Variants in ACVR1C observed in about 807,000 individuals in gnomAD.
ACVR1C encodes activin receptor type-1C.
In ACVR1C, 23 loss-of-function variants were observed where a neutral mutation model predicts 57.9. The observed-to-expected ratio is 0.40, with a 90% CI of 0.29 to 0.56. The LOEUF is 0.56. Ranked by LOEUF, ACVR1C falls within the 20% of genes least tolerant of loss-of-function variation. The pLI is 0.50. For missense variants in ACVR1C, 480 were observed against 607.9 expected, an observed-to-expected ratio of 0.79 and a Z score of 2.21; for synonymous variants, 214 against 215.3, an observed-to-expected ratio of 0.99 and a Z score of 0.05.
At chr2:157,623,406 AT>A (rs1682828429) in intron 1 of ACVR1C, among the ~76,000 whole-genome samples, 1 of 152,208 alleles carries the variant, frequency 6.6e-6, no homozygotes, top group African/African-American at 2.4e-5. Context: ...TATATACACA[AT>A]GGAGTACTAT....
chr2:157,540,628 A>G (rs965247269), intron 7 of ACVR1C, among the ~76,000 whole-genome samples: 10 of 152,298 alleles, frequency 6.6e-5, no homozygotes, highest in African/African-American at 2.2e-4. Flanking sequence ...TGGGAGCAGT[A>G]AAGGTAGGAA....
intron 4 of ACVR1C, among the ~76,000 whole-genome samples, chr2:157,546,237 C>A (rs1362562361): frequency 5.9e-5 from 9 of 152,214 alleles, no homozygotes; most frequent in African/African-American, 1.9e-4. Flanking sequence ...ACATTCTTAA[C>A]AGCTAAATGA....
At chr2:157,598,704 A>G (rs965595838) in intron 1 of ACVR1C, among the ~76,000 whole-genome samples, 1 of 151,742 alleles carries the variant, frequency 6.6e-6, no homozygotes, top group Non-Finnish European at 1.5e-5. Context: ...CCACCAGGCT[A>G]ATTTTGTATT....
At chr2:157,549,803 G>A (rs1166362368) in intron 4 of ACVR1C, among the ~76,000 whole-genome samples, 2 of 144,636 alleles carry the variant, frequency 1.4e-5, no homozygotes, top group African/African-American at 5.1e-5. Flanking sequence ...GGCTAACACG[G>A]TGAAACCCCG....
At chr2:157,548,420 A>G (rs1409768184) in intron 4 of ACVR1C, among the ~76,000 whole-genome samples, 1 of 148,712 alleles carries the variant, frequency 6.7e-6, no homozygotes, top group African/African-American at 2.5e-5. Context: ...CAGAATTGGA[A>G]AAAACTACTT....
At chr2:157,610,417 A>C (rs1167519419) in intron 1 of ACVR1C, among the ~76,000 whole-genome samples, 5 of 152,152 alleles carry the variant, frequency 3.3e-5, no homozygotes, top group Admixed American at 3.3e-4. Context: ...AGCCTTTAAA[A>C]AGATAGGAGT....
At chr2:157,609,732 G>C (rs114164206) in intron 1 of ACVR1C, among the ~76,000 whole-genome samples, 1 of 151,800 alleles carries the variant, frequency 6.6e-6, no homozygotes, top group Non-Finnish European at 1.5e-5. Flanking sequence ...CTTTTTTACT[G>C]TTCTTGACTT....
chr2:157,560,630 C>A (rs1436423274), intron 2 of ACVR1C, among the ~76,000 whole-genome samples: 1 of 152,190 alleles, frequency 6.6e-6, no homozygotes, highest in East Asian at 1.9e-4. Flanking sequence ...CTGAACTAAG[C>A]AAGTTCTAAT....
chr2:157,555,441 G>C (rs1424013771), intron 3 of ACVR1C, among the ~76,000 whole-genome samples: 1 of 152,124 alleles, frequency 6.6e-6, no homozygotes, highest in Non-Finnish European at 1.5e-5. Flanking sequence ...GCTTTACCTG[G>C]GGTTCTGGAG....
intron 1 of ACVR1C, among the ~76,000 whole-genome samples, chr2:157,599,263 G>C (rs756012486): frequency 1.9e-4 from 28 of 144,484 alleles, no homozygotes; most frequent in African/African-American, 5.9e-4. Context: ...GAACCCGAGA[G>C]GGGGAGCTCG....
At chr2:157,554,366 AGAAG>A (rs1431189390) in intron 3 of ACVR1C, among the ~76,000 whole-genome samples, 1 of 137,670 alleles carries the variant, frequency 7.3e-6, no homozygotes, top group Non-Finnish European at 1.6e-5. Flanking sequence ...AAAGAAAGAA[AGAAG>A]GGAGGGAGGG....
At chr2:157,548,901 T>G (rs1294606572) in intron 4 of ACVR1C, among the ~76,000 whole-genome samples, 2 of 152,216 alleles carry the variant, frequency 1.3e-5, no homozygotes, top group Non-Finnish European at 2.9e-5. Context: ...TCAAAAGAGA[T>G]AATATTTTCA....
intron 1 of ACVR1C, among the ~76,000 whole-genome samples, chr2:157,620,372 T>G (rs1402540150): frequency 6.6e-6 from 1 of 152,036 alleles, no homozygotes; most frequent in African/African-American, 2.4e-5. Context: ...ATTTTTACTC[T>G]TGGAGAACGA....
intron 3 of ACVR1C, among the ~76,000 whole-genome samples, chr2:157,555,264 G>A (rs7572873): frequency 0.4 from 59,690 of 150,196 alleles, 12,505 homozygotes; most frequent in African/African-American, 0.49. Context: ...GACTACAGGC[G>A]CCCGCCACCG....
intron 7 of ACVR1C, among the ~76,000 whole-genome samples, chr2:157,538,951 T>A (rs2105203771): frequency 6.7e-6 from 1 of 148,852 alleles, no homozygotes; most frequent in Non-Finnish European, 1.5e-5. Flanking sequence ...TAAGATTATA[T>A]AAAATTATAA....
At chr2:157,559,821 C>A (rs1688194496) in intron 2 of ACVR1C, among the ~76,000 whole-genome samples, 1 of 150,326 alleles carries the variant, frequency 6.7e-6, no homozygotes, top group South Asian at 2.1e-4. Context: ...ATATGTTAAA[C>A]TGAGAAAATG....
chr2:157,576,133 T>A (rs1055352686), intron 2 of ACVR1C, among the ~76,000 whole-genome samples: 1 of 150,316 alleles, frequency 6.7e-6, no homozygotes, highest in African/African-American at 2.5e-5. Flanking sequence ...TTCTGAGAAA[T>A]CCCCACATGA....
chr2:157,555,605 A>G (rs1177466856), intron 3 of ACVR1C, among the ~76,000 whole-genome samples: 2 of 152,160 alleles, frequency 1.3e-5, no homozygotes, highest in Non-Finnish European at 2.9e-5. Flanking sequence ...CTTCACACAC[A>G]TCTCAGGGGG....
At chr2:157,547,503 T>C (rs1485043438) in intron 4 of ACVR1C, among the ~76,000 whole-genome samples, 2 of 126,364 alleles carry the variant, frequency 1.6e-5, no homozygotes, top group South Asian at 2.9e-4. Context: ...TTTTAATGAT[T>C]GCCATTCTAA....
Sources: allele counts gnomAD v4.1 joint callset (sites outside exome capture counted in the v4.1 genomes callset), GRCh38; gene constraint gnomAD v4.1.1; transcripts MANE v1.5; gene names NCBI Gene and HGNC (gene_info 2026-07-23, HGNC 2026-07-21).